The following NRG1 variants were observed in gnomAD, a reference collection of about 807,000 sequenced individuals.
NRG1 encodes neuregulin 1, also known as pro-neuregulin-1, membrane-bound isoform.
A neutral mutation model predicts 63.8 loss-of-function variants in NRG1; 18 were observed. That is an observed-to-expected ratio of 0.28 (90% CI 0.19 to 0.42). The LOEUF (loss-of-function observed/expected upper bound fraction) is 0.42, where lower values mean the gene tolerates loss of function less well. NRG1 is among the 10% of genes least tolerant of loss of function. The probability of loss-of-function intolerance (pLI) is 1.00; values close to 1 mark genes in which losing one functional copy is unlikely to be tolerated. For missense variants in NRG1, 762 were observed against 814.7 expected, an observed-to-expected ratio of 0.94 and a Z score of 0.79; for synonymous variants, 302 against 301.3, an observed-to-expected ratio of 1.00 and a Z score of -0.02.
intron 1 of NRG1, among the ~76,000 whole-genome samples, chr8:32,053,028 T>C (rs1822247234): frequency 6.6e-6 from 1 of 152,146 alleles, no homozygotes; most frequent in Admixed American, 6.5e-5. Context: ...ATGAACTTCC[T>C]TAAAAGTAGA....
chr8:31,690,053 T>C (rs549400093), intron 1 of NRG1, among the ~76,000 whole-genome samples: 6 of 152,338 alleles, frequency 3.9e-5, no homozygotes, highest in Non-Finnish European at 8.8e-5. Flanking sequence ...GGGTTTTACC[T>C]CCATGCTTTT....
chr8:32,754,439 C>T (rs370298578), exon 8 of NRG1: 25 of 1,613,654 alleles, frequency 1.5e-5, no homozygotes, highest in African/African-American at 2.7e-5. Context: ...TCCTTGTGGT[C>T]GGCATCATGT....
intron 1 of NRG1, among the ~76,000 whole-genome samples, chr8:31,684,591 C>T (rs1585648569): frequency 6.6e-6 from 1 of 152,150 alleles, no homozygotes; most frequent in Non-Finnish European, 1.5e-5. Flanking sequence ...ACAAGGCTTC[C>T]AGGTGATTCT....
intron 1 of NRG1, among the ~76,000 whole-genome samples, chr8:31,654,866 A>G (rs540538865): frequency 6.6e-6 from 1 of 152,340 alleles, no homozygotes; most frequent in Non-Finnish European, 1.5e-5. Context: ...CCTTGAGCCC[A>G]GGAATTTGAG....
chr8:32,299,914 G>C (rs1307601339), intron 1 of NRG1, among the ~76,000 whole-genome samples: 1 of 152,154 alleles, frequency 6.6e-6, no homozygotes, highest in Non-Finnish European at 1.5e-5. Context: ...TGGGGAAACA[G>C]CCAAACCATA....
intron 1 of NRG1, among the ~76,000 whole-genome samples, chr8:31,844,217 C>T (rs1826462148): frequency 6.6e-6 from 1 of 152,134 alleles, no homozygotes; most frequent in Non-Finnish European, 1.5e-5. Flanking sequence ...TGAGCTGCCT[C>T]CTGTGGTGCT....
intron 1 of NRG1, among the ~76,000 whole-genome samples, chr8:32,355,237 T>C (rs1450073257): frequency 6.6e-6 from 1 of 152,104 alleles, no homozygotes; most frequent in African/African-American, 2.4e-5. Flanking sequence ...GATGGGCAGA[T>C]TGCCTGAGCT....
At chr8:32,197,638 T>C (rs1843090476) in intron 1 of NRG1, among the ~76,000 whole-genome samples, 1 of 152,200 alleles carries the variant, frequency 6.6e-6, no homozygotes, top group Non-Finnish European at 1.5e-5. Context: ...CCATAAACAT[T>C]TGGTGTACCT....
chr8:32,450,046 T>C (rs1820763421), intron 1 of NRG1, among the ~76,000 whole-genome samples: 1 of 152,098 alleles, frequency 6.6e-6, no homozygotes, highest in Non-Finnish European at 1.5e-5. Context: ...ATTTTAGATA[T>C]GATAATATCT....
At chr8:32,593,894 G>T (rs1350415463) in intron 1 of NRG1, among the ~76,000 whole-genome samples, 1 of 147,834 alleles carries the variant, frequency 6.8e-6, no homozygotes, top group Admixed American at 6.8e-5. Context: ...AAAATATTCA[G>T]GTATCAAGGG....
intron 1 of NRG1, among the ~76,000 whole-genome samples, chr8:31,733,057 C>T (rs1449268408): frequency 6.6e-6 from 1 of 152,060 alleles, no homozygotes; most frequent in Non-Finnish European, 1.5e-5. Context: ...TGAGAACATG[C>T]AGCATTTATG....
intron 5 of NRG1, among the ~76,000 whole-genome samples, chr8:32,697,059 C>T (rs369060642): frequency 6.6e-6 from 1 of 152,224 alleles, no homozygotes; most frequent in Non-Finnish European, 1.5e-5. Flanking sequence ...ATTAGATGGA[C>T]GTTGCCTGCA....
intron 1 of NRG1, among the ~76,000 whole-genome samples, chr8:32,378,024 G>A (rs1419701803): frequency 6.6e-6 from 1 of 152,184 alleles, no homozygotes; most frequent in African/African-American, 2.4e-5. Context: ...GAACACAAAA[G>A]TAGAGTGGGA....
chr8:31,815,332 T>C (rs2129601945), intron 1 of NRG1, among the ~76,000 whole-genome samples: 1 of 152,288 alleles, frequency 6.6e-6, no homozygotes, highest in Admixed American at 6.5e-5. Flanking sequence ...ATATAAGCGG[T>C]ATCATGCAGT....
chr8:31,990,888 T>C (rs372413281), intron 1 of NRG1, among the ~76,000 whole-genome samples: 76 of 152,188 alleles, frequency 5.0e-4, no homozygotes, highest in African/African-American at 1.8e-3. Flanking sequence ...ATGGAGACCC[T>C]TGGGCACAGA....
At chr8:32,534,510 C>T (rs1588148442) in intron 1 of NRG1, among the ~76,000 whole-genome samples, 2 of 152,250 alleles carry the variant, frequency 1.3e-5, no homozygotes, top group South Asian at 4.1e-4. Flanking sequence ...CACAGTAACT[C>T]CACCTTAGTT....
chr8:31,898,290 T>C (rs1831766281), intron 1 of NRG1, among the ~76,000 whole-genome samples: 1 of 152,186 alleles, frequency 6.6e-6, no homozygotes, highest in Non-Finnish European at 1.5e-5. Flanking sequence ...AGAGTTTGAC[T>C]CTTTGACAAC....
chr8:32,523,866 C>CTAAA lies in NRG1; in HGVS notation c.38-71949_38-71946dup, dbSNP rs1393358300. Among the ~76,000 whole-genome samples the CTAAA allele has an allele frequency of 2.6e-3, 386 of 150,262 alleles. 3 individuals are homozygous for CTAAA. The highest frequency in any genetic ancestry group is 8.8e-3 in the African/African-American group (361 of 40,792). On this transcript the variant is annotated intron_variant, in intron 1 of 10. Coordinates refer to the NRG1 transcript ENST00000519301. Reference sequence around the variant, plus strand: ...TCTGAATAACTAACTAACTAACTAACTAAATAAATAAATAAAAATAGGAGT... The same window carrying CTAAA: ...TCTGAATAACTAACTAACTAACTAACTAAATAAATAAATAAATAAAAATAGGAGT...
In NRG1 at chr8:32,247,430, A is replaced by G. The variant is rs141575387; in HGVS notation, c.38-348398A>G. On this transcript the variant is annotated intron_variant, in intron 1 of 10. Coordinates refer to the NRG1 transcript ENST00000519301. Reference sequence around the variant, plus strand: ...AATGACTCCCGTGCAATTTGTAAATAGTAACATATCAAATAAACCTAATTC... The same window carrying G: ...AATGACTCCCGTGCAATTTGTAAATGGTAACATATCAAATAAACCTAATTC... Among the ~76,000 whole-genome samples, 142 of 152,256 alleles carry G rather than the reference A, an allele frequency of 9.3e-4. 1 individual carries two copies. Among genetic ancestry groups the G allele is most frequent in the African/African-American group, 3.2e-3 (134 of 41,574 alleles).
Sources: gnomAD v4.1 joint callset for allele counts (sites outside exome capture counted in the v4.1 genomes callset) on GRCh38, gnomAD v4.1.1 for gene constraint, MANE v1.5 for transcripts, NCBI Gene and HGNC (gene_info 2026-07-23, HGNC 2026-07-21) for gene names.